L2HGDH: variants seen among roughly 807,000 people sequenced by gnomAD.
L2HGDH encodes the protein L-2-hydroxyglutarate dehydrogenase, also known as L-2-hydroxyglutarate dehydrogenase, mitochondrial.
In L2HGDH, 34 loss-of-function variants were observed where a neutral mutation model predicts 51.5. The observed-to-expected ratio is 0.66, with a 90% confidence interval of 0.50 to 0.88. L2HGDH has a LOEUF of 0.88. Among genes scored for constraint, L2HGDH ranks in the 40% least tolerant of loss-of-function variants. The pLI, the probability that L2HGDH is intolerant of heterozygous loss-of-function variation, is 0.00. For synonymous variants in L2HGDH, 198 were observed against 197.9 expected (o/e 1.00, Z -0.01); for missense variants, 558 against 571.9 (o/e 0.98, Z 0.25).
At position 50,292,896 on chromosome 14, in the gene L2HGDH, C is replaced by A. The variant is rs963641606; in HGVS notation, c.540+1219G>T. On this transcript the variant is annotated intron_variant, in intron 4 of 9. Transcript: ENST00000267436. ...AGAGACTGCATCTCAAAAAAAAAAA[C>A]AAAACTACTATAGTCCAAGCTACTA... Among the ~76,000 whole-genome samples, 18 of 149,634 alleles carry A rather than the reference C, an allele frequency of 1.2e-4. No individual in the cohort carries two copies. The East Asian group carries it at 1.6e-3, about 13-fold the overall frequency.
chr14:50,311,741 T>C (rs1013499386), intron 1 of L2HGDH, among the ~76,000 whole-genome samples: 3 of 152,166 alleles, frequency 2.0e-5, no homozygotes, highest in African/African-American at 4.8e-5. Context: ...GTTAAGTAAC[T>C]AGCCCAGAGT....
chr14:50,302,009 T>G lies in L2HGDH; in HGVS notation c.408+8A>C. ...GAAATTAGTCAAGGCTCTAATAAAA[T>G]GCCATACCTTGCCACACTGCTTGTA... On this transcript the variant is annotated splice_region_variant and intron_variant, in intron 3 of 9. Coordinates refer to ENST00000267436, the MANE Select transcript of L2HGDH (RefSeq NM_024884.3). 6.2e-7 allele frequency: 1 copy of G among 1,614,002 alleles called. No homozygotes were observed. The highest frequency in any genetic ancestry group is 1.1e-5 in the South Asian group (1 of 91,080).
intron 9 of L2HGDH, among the ~76,000 whole-genome samples, chr14:50,252,010 T>C (rs1383016695): frequency 6.6e-6 from 1 of 152,016 alleles, no homozygotes; most frequent in Non-Finnish European, 1.5e-5. Context: ...ACTTCTCATC[T>C]TACATAGAAA....
intron 9 of L2HGDH, among the ~76,000 whole-genome samples, chr14:50,260,631 G>A (rs76507241): frequency 0.019 from 2,896 of 152,164 alleles, 85 homozygotes; most frequent in African/African-American, 0.066. Flanking sequence ...TCAGCTATAT[G>A]TATTTCAAGG....
intron 6 of L2HGDH, among the ~76,000 whole-genome samples, chr14:50,270,113 T>C (rs1156529392): frequency 1.3e-5 from 2 of 152,194 alleles, no homozygotes; most frequent in Admixed American, 6.5e-5. Flanking sequence ...CTTTGCAAAC[T>C]GAGGACACTT....
chr14:50,259,777 T>C (rs112806865), intron 9 of L2HGDH, among the ~76,000 whole-genome samples: 5 of 151,866 alleles, frequency 3.3e-5, no homozygotes, highest in African/African-American at 1.2e-4. Context: ...GAGGTTGCAG[T>C]GAGCTGAGAC....
At chr14:50,311,870 G>A (rs1461618795) in intron 1 of L2HGDH, 141 bp downstream of exon 1, 5 of 1,140,494 alleles carry the variant, frequency 4.4e-6, no homozygotes, top group Non-Finnish European at 6.2e-6. Flanking sequence ...TAGCTCCTGG[G>A]ATCCGAGGTT....
At chr14:50,250,530 A>G (rs1038580757) in intron 9 of L2HGDH, among the ~76,000 whole-genome samples, 6 of 152,178 alleles carry the variant, frequency 3.9e-5, no homozygotes, top group African/African-American at 1.4e-4. Flanking sequence ...GCTTCCAGAC[A>G]GCATCTCTGG....
chr14:50,268,000 C>G, intron 7 of L2HGDH, 90 bp from the exon 8 acceptor site: 1 of 1,204,434 alleles, frequency 8.3e-7, no homozygotes, highest in Non-Finnish European at 1.2e-6. Flanking sequence ...AAAACACTTT[C>G]TTCTCATGCA....
chr14:50,262,802 A>G (rs1165452957), intron 9 of L2HGDH, among the ~76,000 whole-genome samples: 1 of 152,158 alleles, frequency 6.6e-6, no homozygotes, highest in Non-Finnish European at 1.5e-5. Flanking sequence ...TTTGTTATTA[A>G]TAATTTCCTG....
rs768340974 is a variant in L2HGDH at position 50,312,107 on chromosome 14, G to A, written c.44C>T (p.Ala15Val). ...LRYLVGACGR[A>V]RGLFAGGSPG... is the part of the protein sequence containing the mutation. The stretch of plus-strand genomic sequence containing the variant: ...GGAGCCACCGGCGAAAAGCCCGCGG[G>A]CCCGTCCGCAGGCACCAACCAAATA... Residue 15 changes from alanine to valine, a missense_variant, in exon 1 of 10, where the codon GCC becomes GTC. Coordinates refer to ENST00000267436, the MANE Select transcript of L2HGDH (RefSeq NM_024884.3). 1 of 1,608,798 alleles carries A rather than the reference G, an allele frequency of 6.2e-7. No individual in the cohort carries two copies. Among genetic ancestry groups the A allele is most frequent in the Admixed American group, 1.7e-5 (1 of 59,546 alleles).
intron 9 of L2HGDH, among the ~76,000 whole-genome samples, chr14:50,247,731 C>A (rs1437264231): frequency 3.9e-5 from 6 of 152,110 alleles, no homozygotes. Flanking sequence ...AAAATTCACA[C>A]AATTAAAATT....
intron 4 of L2HGDH, among the ~76,000 whole-genome samples, chr14:50,290,647 G>A (rs1283547287): frequency 2.0e-5 from 3 of 151,944 alleles, no homozygotes; most frequent in East Asian, 1.9e-4. Context: ...AAAACTTTAC[G>A]GACACTGAAA....
rs868287441 is a variant in L2HGDH, at chr14:50,247,108, C to G, written c.1342G>C (p.Ala448Pro). Residue 448 changes from alanine (A) to proline (P), a missense_variant, in exon 10 of 10, where the codon GCA becomes CCA. Physicochemically the swap from Ala to Pro is conservative, Grantham distance 27. Coordinates refer to ENST00000267436, the MANE Select transcript of L2HGDH (RefSeq NM_024884.3). ...APSPAATSSI[A>P]ISGMIADEVQ... ...TCATCTGCAATCATTCCAGAAATTG[C>G]AATGGAAGAAGTAGCAGCAGGAGAA... The G allele has an allele frequency of 2.5e-6, 4 of 1,613,622 alleles. No individual in the cohort carries two copies. In the Admixed American group the frequency reaches 6.7e-5, roughly 27 times the overall value.
intron 4 of L2HGDH, among the ~76,000 whole-genome samples, chr14:50,288,461 G>C (rs1566528994): frequency 6.6e-6 from 1 of 152,142 alleles, no homozygotes; most frequent in Non-Finnish European, 1.5e-5. Context: ...TGATAAGGAA[G>C]TCTTCTCTGG....
rs530434028 is a variant in L2HGDH, at chr14:50,292,785, C to T, written c.540+1330G>A. On this transcript the variant is annotated intron_variant, in intron 4 of 9. Transcript: ENST00000267436. ...CTGTAATCCCAGCTACTAGAGAGGCCGAGGCAGGAGAATTGCTTGAACCCA... is the reference window on the plus strand; with the variant it reads ...CTGTAATCCCAGCTACTAGAGAGGCTGAGGCAGGAGAATTGCTTGAACCCA... Among the ~76,000 whole-genome samples, 55 of 151,408 alleles carry T rather than the reference C, an allele frequency of 3.6e-4. No individual in the cohort carries two copies. The East Asian group carries it at 6.6e-3, about 18-fold the overall frequency.
At chr14:50,248,915 G>T (rs1448312929) in intron 9 of L2HGDH, among the ~76,000 whole-genome samples, 1 of 152,188 alleles carries the variant, frequency 6.6e-6, no homozygotes, top group East Asian at 1.9e-4. Context: ...AGAAAAGATG[G>T]TCTTGCATCG....
intron 3 of L2HGDH, among the ~76,000 whole-genome samples, chr14:50,301,617 G>A (rs533617406): frequency 2.1e-4 from 32 of 152,256 alleles, no homozygotes; most frequent in Admixed American, 1.9e-3. Context: ...TGCAGAACAG[G>A]CAAATCCACA....
At position 50,265,483 on chromosome 14, in the gene L2HGDH, C is replaced by T. The variant is rs778235487; in HGVS notation, c.1071G>A (p.Leu357=). 4 of 1,612,604 alleles carry T rather than the reference C, an allele frequency of 2.5e-6. No individual in the cohort carries two copies. The South Asian group carries it at 3.3e-5, about 13-fold the overall frequency. ...AAAAATTCTGGGATGCCAGTTTAAT[C>T]AAGCCACTGAAAACAGAGAAAAAAA... The part of the protein sequence containing the change: ...DVMDIIINSG[L]IKLASQNFSY... Residue 357 remains leucine (L), a synonymous_variant, in exon 9 of 10, where the codon TTG becomes TTA. Coordinates refer to ENST00000267436, the MANE Select transcript of L2HGDH (RefSeq NM_024884.3).
Sources: gnomAD v4.1 joint callset for allele counts (sites outside exome capture counted in the v4.1 genomes callset) on GRCh38, gnomAD v4.1.1 for gene constraint, MANE v1.5 for transcripts, NCBI Gene and HGNC (gene_info 2026-07-23, HGNC 2026-07-21) for gene names.